The following MBD2 variants were observed in gnomAD, a reference collection of about 807,000 sequenced individuals.
MBD2 encodes methyl-CpG binding domain protein 2.
Under a neutral mutation model 39.3 loss-of-function variants are expected in MBD2, and 9 were observed. The ratio of observed to expected loss-of-function variants is 0.23; its 90% confidence interval spans 0.14 to 0.40. The LOEUF (loss-of-function observed/expected upper bound fraction) is 0.40, where lower values mean the gene tolerates loss of function less well. Among genes scored for constraint, MBD2 ranks in the 10% least tolerant of loss-of-function variants. The pLI, the probability that MBD2 is intolerant of heterozygous loss-of-function variation, is 1.00. For missense variants in MBD2, 458 were observed against 532.6 expected, an observed-to-expected ratio of 0.86 and a Z score of 1.38; for synonymous variants, 233 against 211.1, an observed-to-expected ratio of 1.10 and a Z score of -0.90.
chr18:54,215,979 T>C (rs2086556879), intron 1 of MBD2, among the ~76,000 whole-genome samples: 1 of 151,578 alleles, frequency 6.6e-6, no homozygotes, highest in South Asian at 2.1e-4. Flanking sequence ...TTTTTTCTTG[T>C]ATTTCTTAGT....
At chr18:54,212,906 C>T (rs774557728) in intron 1 of MBD2, among the ~76,000 whole-genome samples, 19 of 151,834 alleles carry the variant, frequency 1.3e-4, no homozygotes, top group Admixed American at 2.0e-4. Flanking sequence ...GTGGCACGTG[C>T]CTGTAGTCCC....
intron 2 of MBD2, chr18:54,202,727 T>C (rs2086416897): frequency 1.5e-6 from 2 of 1,369,682 alleles, no homozygotes; most frequent in East Asian, 2.6e-5. Flanking sequence ...ATTACCACTA[T>C]ACACTTCTAG....
intron 6 of MBD2, among the ~76,000 whole-genome samples, chr18:54,158,025 T>C (rs1430422516): frequency 1.3e-5 from 2 of 152,158 alleles, no homozygotes. Context: ...CCTACTCCAA[T>C]CCTTGTATTC....
At chr18:54,182,611 G>A (rs1338772087) in intron 3 of MBD2, among the ~76,000 whole-genome samples, 1 of 152,178 alleles carries the variant, frequency 6.6e-6, no homozygotes, top group African/African-American at 2.4e-5. Flanking sequence ...AAGCACTGCA[G>A]GGTTTTCAGC....
chr18:54,211,426 A>C (rs111350849), intron 1 of MBD2, among the ~76,000 whole-genome samples: 4,043 of 126,112 alleles, frequency 0.032, 181 homozygotes, highest in African/African-American at 0.11. Context: ...CACACACGCA[A>C]GCACGCACGA....
intron 2 of MBD2, among the ~76,000 whole-genome samples, chr18:54,196,639 G>C (rs1208252730): frequency 6.6e-6 from 1 of 152,074 alleles, no homozygotes; most frequent in Non-Finnish European, 1.5e-5. Flanking sequence ...AACTCTTCAG[G>C]ACCTATAAAA....
chr18:54,204,665 T>C (rs1030536247), intron 2 of MBD2, among the ~76,000 whole-genome samples: 5 of 152,214 alleles, frequency 3.3e-5, no homozygotes, highest in Non-Finnish European at 7.3e-5. Context: ...TGAAGATACC[T>C]GACACATTAA....
At chr18:54,215,489 ATTT>A (rs1322093635) in intron 1 of MBD2, among the ~76,000 whole-genome samples, 2 of 139,288 alleles carry the variant, frequency 1.4e-5, no homozygotes, top group Admixed American at 7.2e-5. Context: ...CTGAGGATAG[ATTT>A]TTTTTTTTTT....
chr18:54,172,504 C>T (rs577512398), intron 3 of MBD2, among the ~76,000 whole-genome samples: 24 of 152,228 alleles, frequency 1.6e-4, no homozygotes. Flanking sequence ...CTTAAGAATA[C>T]TGTTTCAGAT....
chr18:54,209,740 C>A (rs907427071), intron 1 of MBD2, among the ~76,000 whole-genome samples: 3 of 152,164 alleles, frequency 2.0e-5, no homozygotes, highest in Non-Finnish European at 4.4e-5. Context: ...AGGAATTCTG[C>A]CCATGAGATG....
At chr18:54,180,890 A>ATTT (rs1568083459) in intron 3 of MBD2, among the ~76,000 whole-genome samples, 6 of 114,594 alleles carry the variant, frequency 5.2e-5, no homozygotes, top group African/African-American at 2.2e-4. Flanking sequence ...GTATTCCTTA[A>ATTT]TTTTTTCTTT....
chr18:54,157,364 G>A (rs1014033907), intron 6 of MBD2, among the ~76,000 whole-genome samples: 4 of 151,768 alleles, frequency 2.6e-5, no homozygotes, highest in South Asian at 4.2e-4. Context: ...AGGTTCAAGC[G>A]ATTCTCCTGC....
intron 3 of MBD2, among the ~76,000 whole-genome samples, chr18:54,167,716 G>C: frequency 6.6e-6 from 1 of 152,182 alleles, no homozygotes; most frequent in East Asian, 1.9e-4. Context: ...TTGGTATATG[G>C]TAACATTTCC....
At chr18:54,175,793 C>T (rs1008531586) in intron 3 of MBD2, among the ~76,000 whole-genome samples, 1 of 152,188 alleles carries the variant, frequency 6.6e-6, no homozygotes, top group Non-Finnish European at 1.5e-5. Context: ...CTAGCTCAAG[C>T]CTCCCCTGTC....
intron 3 of MBD2, among the ~76,000 whole-genome samples, chr18:54,179,629 CATT>C (rs1402614501): frequency 6.6e-6 from 1 of 152,090 alleles, no homozygotes; most frequent in Non-Finnish European, 1.5e-5. Flanking sequence ...AATAAATAAA[CATT>C]ATTTGATCAC....
At chr18:54,162,198 A>C (rs919854573) in intron 5 of MBD2, among the ~76,000 whole-genome samples, 1 of 152,250 alleles carries the variant, frequency 6.6e-6, no homozygotes, top group Non-Finnish European at 1.5e-5. Flanking sequence ...GACCCCACAG[A>C]ACTTTAAGCT....
At chr18:54,219,804 C>G (rs1191618909) in intron 1 of MBD2, among the ~76,000 whole-genome samples, 2 of 152,124 alleles carry the variant, frequency 1.3e-5, no homozygotes, top group African/African-American at 2.4e-5. Flanking sequence ...CACACACACA[C>G]ACATATGTAT....
chr18:54,181,561 G>A (rs1200997314), intron 3 of MBD2, among the ~76,000 whole-genome samples: 1 of 151,912 alleles, frequency 6.6e-6, no homozygotes. Flanking sequence ...GTGCAGCGGT[G>A]CGATCTCGGC....
At chr18:54,204,875 A>C (rs1186697284) in intron 2 of MBD2, 123 bp downstream of exon 2, 9 of 809,094 alleles carry the variant, frequency 1.1e-5, no homozygotes, top group African/African-American at 8.5e-5. Context: ...CAGGGTGGGC[A>C]GGGTATGGGG....
Sources: allele counts gnomAD v4.1 joint callset (sites outside exome capture counted in the v4.1 genomes callset), GRCh38; gene constraint gnomAD v4.1.1; transcripts MANE v1.5; gene names NCBI Gene and HGNC (gene_info 2026-07-23, HGNC 2026-07-21).